The following XNDC1N variants were observed in gnomAD, a reference collection of about 807,000 sequenced individuals.
The protein encoded by XNDC1N is protein XNDC1N.
the XNDC1N span, chr11:71,917,777 C>A: frequency 1.4e-6 from 1 of 703,242 alleles, no homozygotes; most frequent in South Asian, 1.5e-5. Flanking sequence ...CCACAGTTAC[C>A]TGGGGACAAA....
chr11:71,877,480 A>G, the XNDC1N span, among the ~76,000 whole-genome samples: 1 of 152,170 alleles, frequency 6.6e-6, no homozygotes, highest in African/African-American at 2.4e-5. Context: ...GCTACTAAAG[A>G]TACAAAACTT....
chr11:71,895,475 A>ATTTTTTTTTTTT, the XNDC1N span, among the ~76,000 whole-genome samples: 37 of 98,358 alleles, frequency 3.8e-4, no homozygotes, highest in Non-Finnish European at 5.9e-4. Context: ...ATGCCTGGCT[A>ATTTTTTTTTTTT]TTTTTTTTTT....
At chr11:71,923,543 C>G in the XNDC1N span, 1 of 569,446 alleles carries the variant, frequency 1.8e-6, no homozygotes, top group African/African-American at 1.9e-5. Context: ...TTGCAGCAGT[C>G]AGTTCATTTC....
chr11:71,877,563 G>A, the XNDC1N span, among the ~76,000 whole-genome samples: 7 of 152,156 alleles, frequency 4.6e-5, no homozygotes, highest in Non-Finnish European at 5.9e-5. Context: ...ACTTGAACCC[G>A]GGAGGCAGAG....
At chr11:71,923,241 C>G in the XNDC1N span, 1 of 700,518 alleles carries the variant, frequency 1.4e-6, no homozygotes. Flanking sequence ...AAAGTGGAGC[C>G]AAGACTCCTA....
At chr11:71,888,991 C>T in the XNDC1N span, among the ~76,000 whole-genome samples, 1 of 152,178 alleles carries the variant, frequency 6.6e-6, no homozygotes, top group Admixed American at 6.5e-5. Context: ...GGGAACTATA[C>T]TTGGATGGGA....
At chr11:71,866,976 A>T in the XNDC1N span, among the ~76,000 whole-genome samples, 3 of 152,200 alleles carry the variant, frequency 2.0e-5, no homozygotes, top group African/African-American at 7.2e-5. Context: ...TCACTAGAAA[A>T]AGATTGCAAT....
At chr11:71,917,395 G>C in the XNDC1N span, 4 of 615,854 alleles carry the variant, frequency 6.5e-6, no homozygotes, top group Non-Finnish European at 1.2e-5. Flanking sequence ...AATATAAATA[G>C]TTCATAAATC....
chr11:71,874,035 C>G, the XNDC1N span, among the ~76,000 whole-genome samples: 1 of 152,142 alleles, frequency 6.6e-6, no homozygotes, highest in African/African-American at 2.4e-5. Flanking sequence ...ACATTTTAGG[C>G]CGGGCCCAGT....
the XNDC1N span, among the ~76,000 whole-genome samples, chr11:71,882,442 G>C: frequency 2.0e-5 from 3 of 152,120 alleles, no homozygotes; most frequent in Non-Finnish European, 4.4e-5. Flanking sequence ...GTTTGGCCAG[G>C]CTGGTCTTGA....
At chr11:71,869,690 G>C in the XNDC1N span, among the ~76,000 whole-genome samples, 5 of 152,082 alleles carry the variant, frequency 3.3e-5, no homozygotes, top group Non-Finnish European at 7.4e-5. Context: ...GGTTTCAACT[G>C]TCTCCTGAAT....
the XNDC1N span, among the ~76,000 whole-genome samples, chr11:71,872,556 T>C: frequency 0.032 from 9 of 280 alleles, no homozygotes; most frequent in Admixed American, 0.12. Context: ...ACCCCATCTC[T>C]ACTAAAAAAA....
the XNDC1N span, chr11:71,893,584 G>C: frequency 2.0e-6 from 2 of 1,023,662 alleles, no homozygotes; most frequent in Non-Finnish European, 3.1e-6. Context: ...TCTGGTCATG[G>C]TGCTGAGGAA....
the XNDC1N span, among the ~76,000 whole-genome samples, chr11:71,872,455 C>A: frequency 0.057 from 8,649 of 152,220 alleles, 332 homozygotes; most frequent in Non-Finnish European, 0.085. Flanking sequence ...CTCATTTATT[C>A]TTAAGAAATA....
the XNDC1N span, among the ~76,000 whole-genome samples, chr11:71,871,290 A>G: frequency 6.6e-6 from 1 of 152,198 alleles, no homozygotes; most frequent in Non-Finnish European, 1.5e-5. Context: ...AAAGACAAAT[A>G]TTACATGTTT....
the XNDC1N span, among the ~76,000 whole-genome samples, chr11:71,887,525 G>A: frequency 7.9e-5 from 12 of 151,670 alleles, no homozygotes; most frequent in Non-Finnish European, 1.3e-4. Context: ...CTGGCTAAGC[G>A]GTGGCCAAGA....
At chr11:71,905,587 C>T in the XNDC1N span, among the ~76,000 whole-genome samples, 2 of 152,020 alleles carry the variant, frequency 1.3e-5, no homozygotes, top group African/African-American at 2.4e-5. Context: ...TGTACACTCA[C>T]TCTGATATTG....
chr11:71,879,480 AG>A, the XNDC1N span, among the ~76,000 whole-genome samples: 1 of 152,200 alleles, frequency 6.6e-6, no homozygotes, highest in African/African-American at 2.4e-5. Flanking sequence ...TCATTTCTGA[AG>A]CACATTTTAA....
the XNDC1N span, chr11:71,884,615 C>T: frequency 4.8e-5 from 74 of 1,548,174 alleles, no homozygotes; most frequent in Admixed American, 1.9e-5. Flanking sequence ...GTCTTAAACT[C>T]TCTTATCTAT....
Sources: gnomAD v4.1 joint callset for allele counts (sites outside exome capture counted in the v4.1 genomes callset) on GRCh38, gnomAD v4.1.1 for gene constraint, MANE v1.5 for transcripts, NCBI Gene and HGNC (gene_info 2026-07-23, HGNC 2026-07-21) for gene names.